The following TFEC variants were observed in gnomAD, a reference collection of about 807,000 sequenced individuals.
The protein encoded by TFEC is transcription factor EC.
A neutral mutation model predicts 41.6 loss-of-function variants in TFEC; 31 were observed. The observed-to-expected ratio is 0.74, with a 90% CI of 0.56 to 1.01. TFEC has a LOEUF of 1.01. TFEC is among the 50% of genes least tolerant of loss of function. The pLI is 0.00. For synonymous variants in TFEC, 143 were observed against 140.6 expected (o/e 1.02, Z -0.12); for missense variants, 402 against 404.1 (o/e 0.99, Z 0.04).
chr7:116,043,306 T>C (rs1796084484), intron 3 of TFEC, among the ~76,000 whole-genome samples: 1 of 152,082 alleles, frequency 6.6e-6, no homozygotes, highest in African/African-American at 2.4e-5. Flanking sequence ...TCAAGACAAT[T>C]TGAAAAAAAA....
intron 1 of TFEC, among the ~76,000 whole-genome samples, chr7:116,145,685 A>C (rs771285253): frequency 7.2e-5 from 11 of 152,170 alleles, no homozygotes; most frequent in Non-Finnish European, 1.5e-4. Context: ...CAGGAACCCA[A>C]GTTATTTTGG....
At chr7:116,159,869 CT>C (rs1473441228) in exon 1 of TFEC, 1 of 152,112 alleles carries the variant, frequency 6.6e-6, no homozygotes, top group Non-Finnish European at 1.5e-5. Flanking sequence ...CATTATCTTT[CT>C]GTTTACTCCC....
chr7:116,024,201 A>G (rs969397805), intron 1 of TFEC, among the ~76,000 whole-genome samples: 13 of 152,128 alleles, frequency 8.5e-5, no homozygotes, highest in African/African-American at 2.9e-4. Flanking sequence ...CTCATTATCC[A>G]TGTGTAAGCC....
chr7:116,152,309 A>C (rs956372403), intron 1 of TFEC, among the ~76,000 whole-genome samples: 6 of 152,248 alleles, frequency 3.9e-5, no homozygotes, highest in African/African-American at 1.4e-4. Flanking sequence ...GAATAAACCC[A>C]AGAAGAGGGG....
chr7:116,071,088 T>A (rs1796816717), intron 3 of TFEC, among the ~76,000 whole-genome samples: 1 of 151,408 alleles, frequency 6.6e-6, no homozygotes, highest in African/African-American at 2.4e-5. Flanking sequence ...TAAGCTATTT[T>A]ATTTGGTTAT....
At chr7:116,125,456 A>G (rs1798189503) in intron 1 of TFEC, among the ~76,000 whole-genome samples, 1 of 152,236 alleles carries the variant, frequency 6.6e-6, no homozygotes, top group Non-Finnish European at 1.5e-5. Flanking sequence ...AATCTATCAA[A>G]CTAAGAATCA....
chr7:115,966,357 T>C (rs1026070158), intron 3 of TFEC, among the ~76,000 whole-genome samples: 1 of 151,600 alleles, frequency 6.6e-6, no homozygotes, highest in Non-Finnish European at 1.5e-5. Flanking sequence ...AATTTATATA[T>C]GGGGAATTTT....
At chr7:116,116,338 AAGG>A (rs1326522787) in intron 1 of TFEC, among the ~76,000 whole-genome samples, 2 of 151,914 alleles carry the variant, frequency 1.3e-5, no homozygotes, top group Non-Finnish European at 2.9e-5. Context: ...CTTTCATGTG[AAGG>A]AGAAGTAGAT....
At chr7:115,964,876 A>T (rs575689933) in intron 3 of TFEC, among the ~76,000 whole-genome samples, 3 of 151,594 alleles carry the variant, frequency 2.0e-5, no homozygotes, top group Non-Finnish European at 4.4e-5. Context: ...ACAAAATGTC[A>T]CACACAGCTT....
At chr7:116,066,163 CCATTTGT>C (rs1796690583) in intron 3 of TFEC, among the ~76,000 whole-genome samples, 1 of 152,092 alleles carries the variant, frequency 6.6e-6, no homozygotes. Context: ...ATGAATTCAC[CCATTTGT>C]CATTACCTGC....
intron 3 of TFEC, among the ~76,000 whole-genome samples, chr7:116,067,342 C>T (rs972881956): frequency 2.0e-5 from 3 of 152,042 alleles, no homozygotes; most frequent in Non-Finnish European, 4.4e-5. Context: ...AGAATATCTG[C>T]AATGCCTCTG....
chr7:116,029,935 G>T (rs559575404), intron 1 of TFEC, among the ~76,000 whole-genome samples: 3 of 151,420 alleles, frequency 2.0e-5, no homozygotes, highest in Admixed American at 6.6e-5. Context: ...GTGTGGTGGC[G>T]CATGCCTGTA....
chr7:116,045,248 T>A (rs144964952), intron 3 of TFEC, among the ~76,000 whole-genome samples: 105 of 152,332 alleles, frequency 6.9e-4, no homozygotes, highest in African/African-American at 2.4e-3. Flanking sequence ...GATAAGGAAC[T>A]TTTTGGGAAA....
chr7:116,048,992 G>C (rs900591477), intron 3 of TFEC, among the ~76,000 whole-genome samples: 3 of 152,172 alleles, frequency 2.0e-5, no homozygotes, highest in African/African-American at 7.2e-5. Flanking sequence ...CACTAAACAT[G>C]GAAAGGAACA....
At chr7:115,975,280 T>G (rs1226697639) in intron 2 of TFEC, among the ~76,000 whole-genome samples, 1 of 152,124 alleles carries the variant, frequency 6.6e-6, no homozygotes, top group Non-Finnish European at 1.5e-5. Context: ...ATATTCCATT[T>G]AGTTAAATTT....
intron 3 of TFEC, among the ~76,000 whole-genome samples, chr7:116,057,528 T>C (rs1250172964): frequency 6.6e-6 from 1 of 151,844 alleles, no homozygotes; most frequent in Admixed American, 6.6e-5. Context: ...TAAAGGAAGT[T>C]TTAGACAGAC....
intron 1 of TFEC, among the ~76,000 whole-genome samples, chr7:116,016,947 T>C (rs901579063): frequency 2.0e-5 from 3 of 151,982 alleles, no homozygotes; most frequent in Non-Finnish European, 2.9e-5. Flanking sequence ...CAGAAACTAG[T>C]CTTCCTTTAT....
chr7:116,135,348 G>C (rs1205245027), intron 1 of TFEC, among the ~76,000 whole-genome samples: 1 of 152,118 alleles, frequency 6.6e-6, no homozygotes, highest in Non-Finnish European at 1.5e-5. Flanking sequence ...GCATTTCCAA[G>C]GAACATGGTT....
chr7:116,085,145 T>C (rs951075778), intron 3 of TFEC, among the ~76,000 whole-genome samples: 1 of 151,850 alleles, frequency 6.6e-6, no homozygotes, highest in African/African-American at 2.4e-5. Flanking sequence ...GTAAGCTTGC[T>C]GGGCTTGAGG....
Sources: gnomAD v4.1 joint callset for allele counts (sites outside exome capture counted in the v4.1 genomes callset) on GRCh38, gnomAD v4.1.1 for gene constraint, MANE v1.5 for transcripts, NCBI Gene and HGNC (gene_info 2026-07-23, HGNC 2026-07-21) for gene names.